The following SHPRH variants were observed in gnomAD, a reference collection of about 807,000 sequenced individuals.
SHPRH encodes E3 ubiquitin-protein ligase SHPRH.
A neutral mutation model predicts 202.5 loss-of-function variants in SHPRH; 106 were observed. The ratio of observed to expected loss-of-function variants is 0.52; its 90% confidence interval spans 0.45 to 0.62. The LOEUF (loss-of-function observed/expected upper bound fraction) is 0.62. Ranked by LOEUF, SHPRH falls within the 20% of genes least tolerant of loss-of-function variation. The pLI is 0.00. For synonymous variants in SHPRH, 729 were observed against 686.0 expected, an observed-to-expected ratio of 1.06 and a Z score of -0.98; for missense variants, 1,710 against 2,020.0, an observed-to-expected ratio of 0.85 and a Z score of 2.94.
intron 9 of SHPRH, among the ~76,000 whole-genome samples, chr6:145,942,402 G>T (rs946643819): frequency 4.6e-5 from 7 of 152,120 alleles, no homozygotes; most frequent in Non-Finnish European, 1.0e-4. Flanking sequence ...AAAGTGACTT[G>T]CTCAAAACTG....
chr6:145,895,831 A>G (rs550546627), intron 25 of SHPRH, among the ~76,000 whole-genome samples: 2 of 152,160 alleles, frequency 1.3e-5, no homozygotes, highest in South Asian at 4.1e-4. Flanking sequence ...AATGATAATT[A>G]TATCTCTTTC....
rs1371933272 is a variant in SHPRH at position 145,950,502 on chromosome 6, T to C, written c.764-20A>G. 3 of 1,607,212 alleles carry C rather than the reference T, an allele frequency of 1.9e-6. No individual in the cohort carries two copies. Among genetic ancestry groups the C allele is most frequent in the Non-Finnish European group, 2.6e-6 (3 of 1,175,506 alleles). On this transcript the variant is annotated intron_variant, in intron 3 of 29. Transcript: ENST00000275233. ...ACACATCTGTACATCACACAGCAAA[T>C]GTACTCAAAAACTGATAGGTTTTTT...
At chr6:145,890,979 ATGACTGCAAT>A (rs1386962267) in intron 28 of SHPRH, among the ~76,000 whole-genome samples, 446 of 152,270 alleles carry the variant, frequency 2.9e-3, no homozygotes, top group African/African-American at 0.01. Context: ...TCTCACCAGG[ATGACTGCAAT>A]AGCCTCCAAG....
intron 2 of SHPRH, 88 bp downstream of exon 2, chr6:145,954,602 G>C: frequency 2.2e-6 from 3 of 1,381,914 alleles, no homozygotes; most frequent in Non-Finnish European, 2.9e-6. Flanking sequence ...CTTATTGCTG[G>C]CTTTTCAGAC....
chr6:145,894,093 G>A, intron 27 of SHPRH, 57 bp downstream of exon 27: 1 of 1,279,598 alleles, frequency 7.8e-7, no homozygotes, highest in African/African-American at 1.5e-5. Context: ...CTAGTTAACA[G>A]CAGTTTAAAT....
At chr6:145,922,886 T>C (rs778301316) in intron 18 of SHPRH, 50 bp from the exon 19 acceptor site, 1 of 1,469,060 alleles carries the variant, frequency 6.8e-7, no homozygotes, top group Non-Finnish European at 9.0e-7. Context: ...GAATAATAGG[T>C]CAATTTCCTC....
At chr6:145,902,416 A>C (rs958519131) in intron 25 of SHPRH, among the ~76,000 whole-genome samples, 3 of 152,138 alleles carry the variant, frequency 2.0e-5, no homozygotes, top group Admixed American at 2.0e-4. Context: ...TGGAGAACCT[A>C]AACTTTGAAT....
chr6:145,912,556 C>T (rs1783589897), intron 24 of SHPRH, among the ~76,000 whole-genome samples: 2 of 152,096 alleles, frequency 1.3e-5, no homozygotes, highest in East Asian at 3.9e-4. Flanking sequence ...AGTTTCATCA[C>T]TGACTTTTGT....
intron 5 of SHPRH, 117 bp downstream of exon 5, chr6:145,948,155 T>C: frequency 1.5e-6 from 1 of 658,244 alleles, no homozygotes; most frequent in South Asian, 2.8e-5. Context: ...TAATCAAGAC[T>C]TCACCTTTGA....
At chr6:145,920,072 A>G (rs1023108775) in intron 21 of SHPRH, among the ~76,000 whole-genome samples, 1 of 152,124 alleles carries the variant, frequency 6.6e-6, no homozygotes, top group African/African-American at 2.4e-5. Flanking sequence ...TCAGTTATAT[A>G]TGTTTCTGAA....
At chr6:145,910,243 T>G in intron 25 of SHPRH, 1 of 540,474 alleles carries the variant, frequency 1.9e-6, no homozygotes. Context: ...TCGCTAACCA[T>G]GTTTGAATAA....
intron 28 of SHPRH, among the ~76,000 whole-genome samples, chr6:145,889,002 G>C (rs1264089791): frequency 6.6e-6 from 1 of 152,140 alleles, no homozygotes; most frequent in Non-Finnish European, 1.5e-5. Flanking sequence ...GGGAGTGAGA[G>C]TGCAGAAGCA....
chr6:145,953,277 T>C (rs887859746), intron 2 of SHPRH, among the ~76,000 whole-genome samples: 1 of 152,076 alleles, frequency 6.6e-6, no homozygotes, highest in African/African-American at 2.4e-5. Context: ...AGAGTGTATT[T>C]CATTACTGCT....
chr6:145,942,254 T>C (rs1786868779), intron 9 of SHPRH, among the ~76,000 whole-genome samples: 1 of 152,176 alleles, frequency 6.6e-6, no homozygotes, highest in Admixed American at 6.6e-5. Context: ...CACAATGGTA[T>C]GAAAAAGTAG....
At chr6:145,889,250 C>A (rs1366233845) in intron 28 of SHPRH, among the ~76,000 whole-genome samples, 1 of 152,038 alleles carries the variant, frequency 6.6e-6, no homozygotes, top group African/African-American at 2.4e-5. Context: ...ACCCTCAGAC[C>A]ACTGGCAAGA....
chr6:145,937,954 T>C (rs1786298810), intron 11 of SHPRH, among the ~76,000 whole-genome samples: 1 of 152,220 alleles, frequency 6.6e-6, no homozygotes, highest in African/African-American at 2.4e-5. Flanking sequence ...GAAAGTTATC[T>C]CAATTGCAAT....
At chr6:145,922,470 A>C in intron 19 of SHPRH, 122 bp from the exon 20 acceptor site, 1 of 1,272,614 alleles carries the variant, frequency 7.9e-7, no homozygotes, top group Non-Finnish European at 1.1e-6. Context: ...TTTAGAAAAA[A>C]CAAATCACAT....
At position 145,924,831 on chromosome 6, in the gene SHPRH, C is replaced by A; in HGVS notation, c.3310G>T (p.Glu1104Ter). 1 of 1,611,294 alleles carries A rather than the reference C, an allele frequency of 6.2e-7. No individual in the cohort carries two copies. Among genetic ancestry groups the A allele is most frequent in the South Asian group, 1.1e-5 (1 of 90,908 alleles). ...RLEEEAKQLR[E>*]HYMSKCNTEV... ...GTATTACACTTGCTCATGTAGTGCT[C>A]TCGCAGCTGTTTGGCCTGTGTTGAA... Residue 1104 changes from glutamate (E) to a stop codon, truncating the protein, a stop_gained, in exon 17 of 30, where the codon GAG (glutamate) becomes TAG (stop). Transcript: ENST00000275233. LOFTEE classifies it high-confidence loss of function.
intron 25 of SHPRH, chr6:145,907,194 C>T (rs1300941869): frequency 1.3e-5 from 2 of 152,086 alleles, no homozygotes; most frequent in African/African-American, 4.8e-5. Context: ...TACCATTACC[C>T]ACCTGCTTAT....
Sources: allele counts gnomAD v4.1 joint callset (sites outside exome capture counted in the v4.1 genomes callset), GRCh38; gene constraint gnomAD v4.1.1; transcripts MANE v1.5; gene names NCBI Gene and HGNC (gene_info 2026-07-23, HGNC 2026-07-21).